PNPLA2: variants seen among roughly 807,000 people sequenced by gnomAD.
PNPLA2 encodes patatin-like phospholipase domain-containing protein 2.
Under a neutral mutation model 39.7 loss-of-function variants are expected in PNPLA2, and 28 were observed. The observed-to-expected ratio is 0.70, with a 90% CI of 0.52 to 0.97. PNPLA2 has a LOEUF of 0.97. Ranked by LOEUF, PNPLA2 falls within the 50% of genes least tolerant of loss-of-function variation. The pLI is 0.00. For missense variants in PNPLA2, 768 were observed against 698.2 expected (o/e 1.10, Z -1.13); for synonymous variants, 392 against 321.1 (o/e 1.22, Z -2.36).
chr11:821,346 G>A, intron 2 of PNPLA2: 2 of 541,152 alleles, frequency 3.7e-6, no homozygotes, highest in Middle Eastern at 5.1e-4. Context: ...TTTCTGCCTT[G>A]TCCCCTCTCC....
At chr11:822,279 C>T (rs938552482) in intron 4 of PNPLA2, 118 bp from the exon 5 acceptor site, 58 of 966,264 alleles carry the variant, frequency 6.0e-5, no homozygotes, top group Admixed American at 3.5e-4. Flanking sequence ...GTGGGTAAAA[C>T]GCTCAAATGA....
rs1327264193 is a variant in PNPLA2 at position 822,487 on chromosome 11, A to G, written c.577A>G (p.Ile193Val). ...GTCCCCCTTCTCGGGCGAGAGTGAC[A>G]TCTGTCCGCAGGACAGCTCCACCAA... The part of the protein sequence containing the change: ...TVSPFSGESD[I>V]CPQDSSTNIH... The change falls in exon 5 of 10, where the codon ATC becomes GTC. Residue 193 changes from isoleucine to valine, a missense_variant. Coordinates refer to ENST00000336615, the MANE Select transcript of PNPLA2 (RefSeq NM_020376.4). 2 of 1,613,982 alleles carry G rather than the reference A, an allele frequency of 1.2e-6. No homozygotes were observed.
In PNPLA2 at chr11:823,561, A is replaced by G. The variant is rs1845738645; in HGVS notation, c.731A>G (p.Asp244Gly). 6.3e-7 allele frequency: 1 copy of G among 1,575,250 alleles called. No homozygotes were observed. The highest frequency in any genetic ancestry group is 8.6e-7 in the Non-Finnish European group (1 of 1,156,876). Residue 244 changes from aspartate (D) to glycine (G), a missense_variant, in exon 6 of 10, where the codon GAT (aspartate) becomes GGT (glycine). By Grantham distance (94) the Asp-to-Gly change is moderately conservative. Coordinates refer to ENST00000336615, the MANE Select transcript of PNPLA2 (RefSeq NM_020376.4). ...GAGATGTGCAAGCAGGGATACCGGG[A>G]TGGCCTGCGCTTTCTGCAGCGGAAC... ...LREMCKQGYR[D>G]GLRFLQRNGL...
chr11:821,610 C>G lies in PNPLA2; in HGVS notation c.188-18C>G, dbSNP rs1590175194. ...AAGCCCAGGAGCATGGGCCCCTAAC[C>G]TTGGCCCTGTGCCCCAGGTGAGGCT... On this transcript the variant is annotated intron_variant, in intron 2 of 9. Transcript: ENST00000336615. 6.3e-7 allele frequency: 1 copy of G among 1,592,950 alleles called. No individual in the cohort carries two copies. Among genetic ancestry groups the G allele is most frequent in the South Asian group, 1.1e-5 (1 of 90,610 alleles).
chr11:819,420 G>GGCGGGGCTCCAGC, intron 1 of PNPLA2, 154 bp from the exon 2 acceptor site: 2 of 973,556 alleles, frequency 2.1e-6, no homozygotes, highest in South Asian at 9.5e-5. Flanking sequence ...GGCAGCGGAG[G>GGCGGGGCTCCAGC]GCGGGGCTCC....
Position 825,031 on chromosome 11 carries a change from C to G in PNPLA2, c.*169C>G. The G allele has an allele frequency of 1.5e-6, 1 of 676,470 alleles. No individual in the cohort carries two copies. The highest frequency in any genetic ancestry group is 2.8e-5 in the East Asian group (1 of 36,332). The allele number at this position is 676,470 out of a possible 1,614,324, so 41.9% of individuals were successfully genotyped here. A position where few individuals can be genotyped will look rare whatever the true frequency, so the allele number is the denominator to read the frequency against. ...AGGTTTCCACACCCCTCCCCTGGGCCGCTGAGGCCCCGCGCACCTGTGCCT... is the reference window on the plus strand; with the variant it reads ...AGGTTTCCACACCCCTCCCCTGGGCGGCTGAGGCCCCGCGCACCTGTGCCT... On this transcript the variant is annotated 3_prime_UTR_variant, in exon 10 of 10. Coordinates refer to ENST00000336615, the MANE Select transcript of PNPLA2 (RefSeq NM_020376.4).
rs1182157331 is a variant in PNPLA2, at chr11:824,690, T to G, written c.1343T>G (p.Phe448Cys). 1 of 1,595,996 alleles carries G rather than the reference T, an allele frequency of 6.3e-7. No individual in the cohort carries two copies. The highest frequency in any genetic ancestry group is 1.7e-5 in the Admixed American group (1 of 59,556). ...ECQRQLLLGL[F>C]CTNVAFPPEA... ...CAGCGCCAGCTGCTGCTCGGCCTCT[T>G]CTGCACCAACGTGGCCTTCCCGCCC... The change falls in exon 10 of 10, where the codon TTC (phenylalanine) becomes TGC (cysteine). Residue 448 changes from phenylalanine to cysteine, a missense_variant. Transcript: ENST00000336615.
At position 823,589 on chromosome 11, in the gene PNPLA2, T is replaced by C. The variant is rs777539013; in HGVS notation, c.757+2T>C. ...GCCTGCGCTTTCTGCAGCGGAACGG[T>C]GCGCGGACCCGGGCGGGAGAGGGCG... is the stretch of plus-strand genomic sequence containing the variant. On this transcript the variant is annotated splice_donor_variant, in intron 6 of 9. Coordinates refer to ENST00000336615, the MANE Select transcript of PNPLA2 (RefSeq NM_020376.4). LOFTEE classifies it high-confidence loss of function. 1.3e-6 allele frequency: 2 copies of C among 1,597,074 alleles called. No individual in the cohort carries two copies. Among genetic ancestry groups the C allele is most frequent in the South Asian group, 1.1e-5 (1 of 90,150 alleles).
Position 824,805 on chromosome 11 carries a change from C to A in PNPLA2, c.1458C>A (p.Pro486=), listed in dbSNP as rs1138694. 6.5e-7 allele frequency: 1 copy of A among 1,534,322 alleles called. No homozygotes were observed. The highest frequency in any genetic ancestry group is 8.7e-7 in the Non-Finnish European group (1 of 1,146,006). ...SPQHQLAGPA[P]LLSTPAPEAR... is the part of the protein sequence containing the mutation. Reference sequence around the variant, plus strand: ...AGCACCAGCTGGCCGGGCCTGCCCCCTTGCTGAGCACCCCTGCTCCCGAGG... The same window carrying A: ...AGCACCAGCTGGCCGGGCCTGCCCCATTGCTGAGCACCCCTGCTCCCGAGG... Residue 486 remains proline, a synonymous_variant, in exon 10 of 10, where the codon CCC becomes CCA. Coordinates refer to ENST00000336615, the MANE Select transcript of PNPLA2 (RefSeq NM_020376.4).
In PNPLA2 at chr11:821,641, C is replaced by G. The variant is rs973505125; in HGVS notation, c.201C>G (p.Ala67=). ...VTGVCLGEAG[A]KFIEVSKEAR... is the part of the protein sequence containing the mutation. The stretch of plus-strand genomic sequence containing the variant: ...CCTGTGCCCCAGGTGAGGCTGGTGC[C>G]AAGTTCATTGAGGTATCTAAAGAGG... Residue 67 remains alanine, a synonymous_variant, in exon 3 of 10, where the codon GCC becomes GCG. Transcript: ENST00000336615. 9 of 1,613,488 alleles carry G rather than the reference C, an allele frequency of 5.6e-6. No homozygotes were observed. In the Admixed American group the frequency reaches 1.5e-4, roughly 27 times the overall value.
Position 819,631 on chromosome 11 carries a change from C to T in PNPLA2, c.-88C>T, listed in dbSNP as rs1845601832. On this transcript the variant is annotated 5_prime_UTR_variant, in exon 2 of 10. Transcript: ENST00000336615. ...TAGAGCCGCAGCGGGACCTGCCCGG[C>T]CCCCGGCTCCAGCGAGCGAGCGGCG... 2.3e-6 allele frequency: 3 copies of T among 1,331,204 alleles called. No homozygotes were observed. Among genetic ancestry groups the T allele is most frequent in the Non-Finnish European group, 2.9e-6 (3 of 1,020,614 alleles). The allele number at this position is 1,331,204 out of a possible 1,614,324, so 82.5% of individuals were successfully genotyped here.
intron 2 of PNPLA2, among the ~76,000 whole-genome samples, chr11:820,633 G>C (rs914586847): frequency 6.6e-6 from 1 of 152,220 alleles, no homozygotes; most frequent in African/African-American, 2.4e-5. Context: ...TCAGGAGCCT[G>C]TGAGGACACC....
rs767583822 is a variant in PNPLA2, at chr11:824,462, CGGGGCCCGCGGTGCTAGCGCCGGGAGCT to C, written c.1175+28_1176-32del. The C allele has an allele frequency of 1.9e-6, 3 of 1,548,396 alleles. No individual in the cohort carries two copies. The South Asian group carries it at 3.6e-5, about 18-fold the overall frequency. On this transcript the variant is annotated intron_variant, in intron 9 of 9. Transcript: ENST00000336615. ...GTGAGCCGCCGACCGCGCGTCCACC[CGGGGCCCGCGGTGCTAGCGCCGGGAGCT>C]GAAGCCCTCCCTGCCGCATCCCTGC...
At chr11:822,124 C>T (rs1845686883) in intron 4 of PNPLA2, 101 bp downstream of exon 4, 2 of 1,084,508 alleles carry the variant, frequency 1.8e-6, no homozygotes, top group East Asian at 4.8e-5. Context: ...CTTGCTCTGC[C>T]ACCGCCTGTT....
At chr11:823,278 T>G (rs969903498) in intron 5 of PNPLA2, among the ~76,000 whole-genome samples, 1 of 151,920 alleles carries the variant, frequency 6.6e-6, no homozygotes. Context: ...AGGATGGTCT[T>G]GATCTCCTGA....
intron 9 of PNPLA2, 37 bp from the exon 10 acceptor site, chr11:824,486 G>A (rs1263942877): frequency 9.1e-6 from 14 of 1,545,342 alleles, no homozygotes; most frequent in African/African-American, 1.4e-5. Context: ...CTAGCGCCGG[G>A]AGCTGAAGCC....
At position 821,971 on chromosome 11, in the gene PNPLA2, G is replaced by T; in HGVS notation, c.434G>T (p.Ser145Ile). Reference sequence around the variant, plus strand: ...CCTGCCCTGAAGGCCAATGTCTGCAGCGGTTTCATCCCCGTGTACTGTGGG... The same window carrying T: ...CCTGCCCTGAAGGCCAATGTCTGCATCGGTTTCATCCCCGTGTACTGTGGG... The part of the protein sequence containing the change: ...KDELIQANVC[S>I]GFIPVYCGLI... The change falls in exon 4 of 10, where the codon AGC (serine) becomes ATC (isoleucine). Residue 145 changes from serine to isoleucine, a missense_variant. Coordinates refer to ENST00000336615, the MANE Select transcript of PNPLA2 (RefSeq NM_020376.4). 6.2e-7 allele frequency: 1 copy of T among 1,613,908 alleles called. No individual in the cohort carries two copies. The highest frequency in any genetic ancestry group is 8.5e-7 in the Non-Finnish European group (1 of 1,179,996).
chr11:820,044 C>T, intron 2 of PNPLA2, 139 bp downstream of exon 2: 1 of 591,696 alleles, frequency 1.7e-6, no homozygotes, highest in Non-Finnish European at 2.6e-6. Flanking sequence ...CCTGGGGAAC[C>T]CGGCGAGGAT....
intron 5 of PNPLA2, 58 bp from the exon 6 acceptor site, chr11:823,469 C>T (rs1845734774): frequency 6.6e-7 from 1 of 1,517,952 alleles, no homozygotes; most frequent in Admixed American, 1.9e-5. Context: ...CCAGGGATTC[C>T]AGGGGCAGAA....
Sources: gnomAD v4.1 joint callset for allele counts (sites outside exome capture counted in the v4.1 genomes callset) on GRCh38, gnomAD v4.1.1 for gene constraint, MANE v1.5 for transcripts, NCBI Gene and HGNC (gene_info 2026-07-23, HGNC 2026-07-21) for gene names.